Variants in PLCD3 observed in about 807,000 individuals in gnomAD.
The protein encoded by PLCD3 is 1-phosphatidylinositol 4,5-bisphosphate phosphodiesterase delta-3.
A neutral mutation model predicts 82.8 loss-of-function variants in PLCD3; 62 were observed. That is an observed-to-expected ratio of 0.75 (90% CI 0.61 to 0.93). The LOEUF is 0.93. PLCD3 is among the 40% of genes least tolerant of loss of function. The pLI is 0.00. For missense variants in PLCD3, 1,023 were observed against 1,103.4 expected (o/e 0.93, Z 1.03); for synonymous variants, 478 against 471.8 (o/e 1.01, Z -0.17).
In PLCD3 at chr17:45,109,104, G is replaced by A. The variant is rs1413460668; in HGVS notation, c.*3512C>T. ...GGCTGGAGCCAGGACGACAGGGCTT[G>A]GACACAAAGTCCCTCAAGCCCACAG... On this transcript the variant is annotated 3_prime_UTR_variant, in exon 15 of 15. Transcript: ENST00000619929. The A allele has an allele frequency of 6.6e-6, 1 of 152,564 alleles. No homozygotes were observed. Among genetic ancestry groups the A allele is most frequent in the South Asian group, 2.1e-4 (1 of 4,830 alleles). 9.5% of individuals were successfully genotyped at this position (152,564 alleles called of 1,614,324 possible).
chr17:45,129,718 C>T (rs1035523490), intron 1 of PLCD3, among the ~76,000 whole-genome samples: 29 of 152,314 alleles, frequency 1.9e-4, no homozygotes, highest in African/African-American at 6.7e-4. Context: ...TGGGCTCTAG[C>T]GCTCCTCTCT....
chr17:45,114,199 C>T, intron 11 of PLCD3, 51 bp downstream of exon 11: 1 of 1,398,704 alleles, frequency 7.1e-7, no homozygotes, highest in Non-Finnish European at 9.6e-7. Flanking sequence ...GCTGAGGCCT[C>T]CCCCACACTG....
chr17:45,127,811 C>A (rs1458539383), intron 1 of PLCD3, among the ~76,000 whole-genome samples: 1 of 37,726 alleles, frequency 2.7e-5, no homozygotes, highest in African/African-American at 1.9e-4. Flanking sequence ...TGAGTGTGTG[C>A]GTGTGAGTGT....
rs903261724 is a variant in PLCD3, at chr17:45,112,667, G to C, written c.2319C>G (p.Ala773=). 2 of 1,607,166 alleles carry C rather than the reference G, an allele frequency of 1.2e-6. No individual in the cohort carries two copies. The highest frequency in any genetic ancestry group is 2.7e-5 in the African/African-American group (2 of 74,820). Residue 773 remains alanine (A), a synonymous_variant, in exon 15 of 15, where the codon GCC becomes GCG. Coordinates refer to ENST00000619929, the MANE Select transcript of PLCD3 (RefSeq NM_133373.5). ...RHIHLLSKDG[A]SLSPATLFIQ... ...TGAAGAGCGTGGCTGGTGACAGTGA[G>C]GCCCCGTCCTTGGAAAGCAGGTGTA...
At position 45,112,199 on chromosome 17, in the gene PLCD3, C is replaced by T. The variant is rs59189862; in HGVS notation, c.*417G>A. The T allele has an allele frequency of 0.028, 5,409 of 194,560 alleles. 325 individuals are homozygous for T. The highest frequency in any genetic ancestry group is 0.23 in the East Asian group (1,630 of 7,046). The allele number at this position is 194,560 out of a possible 1,614,324, so 12.1% of individuals were successfully genotyped here. ...AGGGCTTAGGGGCTAAGCTCGGGGT[C>T]GGGGCCAAGTGGAGTGACTGCGCTC... On this transcript the variant is annotated 3_prime_UTR_variant, in exon 15 of 15. Coordinates refer to ENST00000619929, the MANE Select transcript of PLCD3 (RefSeq NM_133373.5).
Position 45,132,361 on chromosome 17 carries a change from G to T in PLCD3, c.50C>A (p.Pro17Gln). The change falls in exon 1 of 15, where the codon CCG becomes CAG. Residue 17 changes from proline to glutamine, a missense_variant. Around this residue, in one of 3 missense-constraint regions of PLCD3, gnomAD observed 22 missense variants for 41.3 expected, o/e 0.53. Coordinates refer to ENST00000619929, the MANE Select transcript of PLCD3 (RefSeq NM_133373.5). This position sits in a 1 kb window ranked among gnomAD's most constrained non-coding sequence, Gnocchi z 4.6. ...RRCRRPPEEP[P>Q]VAAQVAAQVA... ...TTGGGCTGCGACCTGGGCGGCCACC[G>T]GGGGCTCCTCGGGCGGGCGGCGGCA... is the stretch of plus-strand genomic sequence containing the variant. 1 of 1,227,226 alleles carries T rather than the reference G, an allele frequency of 8.1e-7. No individual in the cohort carries two copies. Among genetic ancestry groups the T allele is most frequent in the Non-Finnish European group, 1.0e-6 (1 of 983,906 alleles). 76.0% of individuals were successfully genotyped at this position (1,227,226 alleles called of 1,614,324 possible). A position where few individuals can be genotyped will look rare whatever the true frequency, so the allele number is the denominator to read the frequency against.
chr17:45,119,317 G>A (rs188565372), intron 4 of PLCD3, among the ~76,000 whole-genome samples: 78 of 152,286 alleles, frequency 5.1e-4, no homozygotes, highest in African/African-American at 1.3e-3. Context: ...AGCTTCCAAC[G>A]CGTGATCTCA....
intron 9 of PLCD3, 36 bp downstream of exon 9, chr17:45,115,307 TC>T (rs763911835): frequency 7.3e-6 from 11 of 1,504,264 alleles, no homozygotes; most frequent in African/African-American, 2.8e-5. Context: ...CCTCCCACCT[TC>T]CCCCCCTTCC....
At chr17:45,120,286 T>C in intron 4 of PLCD3, 39 bp downstream of exon 4, 1 of 1,612,930 alleles carries the variant, frequency 6.2e-7, no homozygotes. Flanking sequence ...GTCAGAGTGA[T>C]GGCAGAGCCA....
At chr17:45,115,743 C>G (rs904134817) in intron 8 of PLCD3, among the ~76,000 whole-genome samples, 3 of 152,188 alleles carry the variant, frequency 2.0e-5, no homozygotes, top group African/African-American at 7.2e-5. Context: ...CGCGACAGCT[C>G]AGGACTGAAA....
Position 45,132,263 on chromosome 17 carries a change from C to A in PLCD3, c.148G>T (p.Ala50Ser). ...CGTCACTGACCCATCTTCTTCAGCG[C>A]CCGCAGCCCGGGCCTCTTGGTGCCG... ...DGGTKRPGLR[A>S]LKKMGLTEDE... The change falls in exon 1 of 15, where the codon GCG (alanine) becomes TCG (serine). Residue 50 changes from alanine (A) to serine (S), a missense_variant. Physicochemically the swap from Ala to Ser is moderately conservative, Grantham distance 99. Transcript: ENST00000619929. The surrounding 1 kb of genome is among the most constrained non-coding windows in gnomAD (Gnocchi z 4.6). 1 of 1,275,384 alleles carries A rather than the reference C, an allele frequency of 7.8e-7. No homozygotes were observed. The highest frequency in any genetic ancestry group is 9.9e-7 in the Non-Finnish European group (1 of 1,010,030). The allele number at this position is 1,275,384 out of a possible 1,614,324, so 79.0% of individuals were successfully genotyped here. A position where few individuals can be genotyped will look rare whatever the true frequency, so the allele number is the denominator to read the frequency against.
At chr17:45,116,423 GT>G (rs3841488) in intron 8 of PLCD3, among the ~76,000 whole-genome samples, 10 of 151,802 alleles carry the variant, frequency 6.6e-5, no homozygotes, top group Admixed American at 4.6e-4. Flanking sequence ...GGGTGTGTGT[GT>G]GGGGGGGTCT....
chr17:45,118,190 A>G lies in PLCD3; in HGVS notation c.1116-52T>C. 2 of 1,612,218 alleles carry G rather than the reference A, an allele frequency of 1.2e-6. No homozygotes were observed. The highest frequency in any genetic ancestry group is 1.7e-6 in the Non-Finnish European group (2 of 1,178,636). ...GCAAGGTGTTGCCAGAGTGCCACAG[A>G]GCAGGGCAGCAGGCAGGCTGGGCCA... is the stretch of plus-strand genomic sequence containing the variant. On this transcript the variant is annotated intron_variant, in intron 6 of 14. Transcript: ENST00000619929. The surrounding 1 kb of genome is among the most constrained non-coding windows in gnomAD (Gnocchi z 4.1).
At chr17:45,120,016 C>G (rs965150890) in intron 4 of PLCD3, among the ~76,000 whole-genome samples, 25 of 152,260 alleles carry the variant, frequency 1.6e-4, no homozygotes, top group Non-Finnish European at 2.5e-4. Context: ...GCCTGTGCCC[C>G]CACGTGCAAA....
chr17:45,125,954 G>T (rs1266061165), intron 1 of PLCD3, among the ~76,000 whole-genome samples: 1 of 152,172 alleles, frequency 6.6e-6, no homozygotes, highest in African/African-American at 2.4e-5. Context: ...AACAGTAATA[G>T]TTGCACAACA....
intron 1 of PLCD3, among the ~76,000 whole-genome samples, chr17:45,127,601 C>G (rs1418622798): frequency 6.6e-6 from 1 of 152,142 alleles, no homozygotes; most frequent in Non-Finnish European, 1.5e-5. Flanking sequence ...TGCAGGTCGC[C>G]CCCAGGCAGG....
chr17:45,109,747 A>C lies in PLCD3; in HGVS notation c.*2869T>G, dbSNP rs149773134. The C allele has an allele frequency of 9.3e-3, 1,415 of 152,438 alleles. 7 individuals carry two copies. The highest frequency in any genetic ancestry group is 0.014 in the Non-Finnish European group (958 of 68,128). 9.4% of individuals were successfully genotyped at this position (152,438 alleles called of 1,614,324 possible). A position where few individuals can be genotyped will look rare whatever the true frequency, so the allele number is the denominator to read the frequency against. On this transcript the variant is annotated 3_prime_UTR_variant, in exon 15 of 15. Transcript: ENST00000619929. ...CTTTGGGCTGAGAGAACATAGCCCT[A>C]TGTGTTGTTTCTACCCATGGGCCTC...
At chr17:45,122,919 G>A (rs2143578836) in intron 1 of PLCD3, among the ~76,000 whole-genome samples, 1 of 152,266 alleles carries the variant, frequency 6.6e-6, no homozygotes, top group African/African-American at 2.4e-5. Flanking sequence ...CGGAGTGAAT[G>A]AGGGCCCAGA....
In PLCD3 at chr17:45,113,235, G is replaced by C; in HGVS notation, c.2018C>G (p.Pro673Arg). The stretch of plus-strand genomic sequence containing the variant: ...GTGTGGCTTCTCGGCATTCAGCTTG[G>C]GCAGCTGCTGTGCAGTCAGCACCTG... ...SIQVLTAQQL[P>R]KLNAEKPHSI... The change falls in exon 13 of 15, where the codon CCC becomes CGC. Residue 673 changes from proline (P) to arginine (R), a missense_variant. Pro to Arg is a moderately radical substitution (Grantham distance 103). Around this residue, in one of 3 missense-constraint regions of PLCD3, gnomAD observed 553 missense variants for 655.7 expected, o/e 0.84. Coordinates refer to ENST00000619929, the MANE Select transcript of PLCD3 (RefSeq NM_133373.5). The C allele has an allele frequency of 6.2e-7, 1 of 1,608,088 alleles. No homozygotes were observed. The highest frequency in any genetic ancestry group is 8.5e-7 in the Non-Finnish European group (1 of 1,177,556).
Sources: gnomAD v4.1 joint callset for allele counts (sites outside exome capture counted in the v4.1 genomes callset) on GRCh38, gnomAD v4.1.1 for gene constraint, gnomAD v4.1.1 regional missense constraint, Gnocchi (gnomAD v3.1) non-coding constraint, MANE v1.5 for transcripts, NCBI Gene and HGNC (gene_info 2026-07-23, HGNC 2026-07-21) for gene names.